LRRTM4: variants seen among roughly 807,000 people sequenced by gnomAD.
LRRTM4 encodes leucine rich repeat transmembrane neuronal 4, also known as leucine-rich repeat transmembrane neuronal protein 4.
Under a neutral mutation model 47.6 loss-of-function variants are expected in LRRTM4, and 25 were observed. That is an observed-to-expected ratio of 0.53 (90% confidence interval 0.38 to 0.73). The LOEUF is 0.73. LRRTM4 is among the 30% of genes least tolerant of loss of function. The pLI, the probability that LRRTM4 is intolerant of heterozygous loss-of-function variation, is 0.00. For synonymous variants in LRRTM4, 311 were observed against 269.5 expected (o/e 1.15, Z -1.51); for missense variants, 638 against 713.4 (o/e 0.89, Z 1.20).
At chr2:77,068,611 CTA>C (rs1680040761) in intron 3 of LRRTM4, among the ~76,000 whole-genome samples, 1 of 152,174 alleles carries the variant, frequency 6.6e-6, no homozygotes, top group African/African-American at 2.4e-5. Context: ...CAACGTTCTT[CTA>C]TGTTATAGCA....
intron 3 of LRRTM4, among the ~76,000 whole-genome samples, chr2:77,245,721 G>A (rs919883234): frequency 6.6e-6 from 1 of 151,878 alleles, no homozygotes; most frequent in African/African-American, 2.4e-5. Flanking sequence ...GAAAATAGAG[G>A]TTATTTTTAA....
At chr2:77,173,860 T>C (rs570791954) in intron 3 of LRRTM4, among the ~76,000 whole-genome samples, 5 of 152,292 alleles carry the variant, frequency 3.3e-5, no homozygotes, top group Admixed American at 6.5e-5. Context: ...AACCAGTGTT[T>C]GGAGCAGTAC....
chr2:76,750,232 G>C (rs1467553222), intron 3 of LRRTM4, among the ~76,000 whole-genome samples: 1 of 152,128 alleles, frequency 6.6e-6, no homozygotes, highest in Non-Finnish European at 1.5e-5. Flanking sequence ...AACATTTGCA[G>C]TATATCCAAC....
chr2:77,173,976 A>G (rs535595093), intron 3 of LRRTM4, among the ~76,000 whole-genome samples: 2 of 152,304 alleles, frequency 1.3e-5, no homozygotes, highest in South Asian at 2.1e-4. Flanking sequence ...CTTAGAAGAC[A>G]TATCTTAATA....
chr2:76,780,486 C>T (rs566010021), intron 3 of LRRTM4, among the ~76,000 whole-genome samples: 2 of 152,188 alleles, frequency 1.3e-5, no homozygotes, highest in East Asian at 3.9e-4. Flanking sequence ...CTCTAAACCC[C>T]TTCTCGCTTC....
chr2:77,200,069 A>G (rs1215444658), intron 3 of LRRTM4, among the ~76,000 whole-genome samples: 2 of 152,086 alleles, frequency 1.3e-5, no homozygotes, highest in South Asian at 2.1e-4. Context: ...AACATTTACT[A>G]TAAAAATAGA....
chr2:77,073,909 G>A (rs1320731386), intron 3 of LRRTM4, among the ~76,000 whole-genome samples: 2 of 151,794 alleles, frequency 1.3e-5, no homozygotes, highest in African/African-American at 4.8e-5. Flanking sequence ...CTTTTCTTCA[G>A]CTGAGGGCAT....
At chr2:76,873,524 A>ATATGTATATATATATATATATATATG in intron 3 of LRRTM4, among the ~76,000 whole-genome samples, 1 of 145,494 alleles carries the variant, frequency 6.9e-6, no homozygotes, top group African/African-American at 2.5e-5. Context: ...ATATATATAT[A>ATATGTATATATATATATATATATATG]TATATATATA....
intron 3 of LRRTM4, among the ~76,000 whole-genome samples, chr2:77,513,617 G>C (rs1491003388): frequency 6.6e-6 from 1 of 152,010 alleles, no homozygotes; most frequent in East Asian, 1.9e-4. Flanking sequence ...TGCCCAGGCA[G>C]GACTGCAGTA....
At chr2:77,466,828 A>G (rs1677000006) in intron 3 of LRRTM4, among the ~76,000 whole-genome samples, 1 of 151,448 alleles carries the variant, frequency 6.6e-6, no homozygotes, top group Admixed American at 6.6e-5. Context: ...CCTCCCAAGT[A>G]GGTGGGACTA....
chr2:76,982,947 T>C (rs1676662604), intron 3 of LRRTM4, among the ~76,000 whole-genome samples: 1 of 151,520 alleles, frequency 6.6e-6, no homozygotes, highest in African/African-American at 2.4e-5. Context: ...AAACTTCTTT[T>C]TTGTTTTAAG....
intron 3 of LRRTM4, among the ~76,000 whole-genome samples, chr2:77,048,229 G>A (rs1009745796): frequency 6.6e-6 from 1 of 152,020 alleles, no homozygotes; most frequent in East Asian, 1.9e-4. Context: ...ATGAATGTAT[G>A]TGTGTGCATG....
chr2:77,137,788 A>G (rs1671992623), intron 3 of LRRTM4, among the ~76,000 whole-genome samples: 1 of 152,142 alleles, frequency 6.6e-6, no homozygotes, highest in South Asian at 2.1e-4. Context: ...AGATCTACCA[A>G]GCAAATTTAA....
chr2:77,433,659 C>T (rs1311259326), intron 3 of LRRTM4, among the ~76,000 whole-genome samples: 1 of 152,030 alleles, frequency 6.6e-6, no homozygotes, highest in African/African-American at 2.4e-5. Context: ...GCCATTTTAC[C>T]ACCAATTAAG....
At chr2:76,772,640 T>G (rs1394908090) in intron 3 of LRRTM4, among the ~76,000 whole-genome samples, 2 of 152,206 alleles carry the variant, frequency 1.3e-5, no homozygotes, top group Admixed American at 6.5e-5. Flanking sequence ...ACTTACAATT[T>G]GAATTTCTTT....
chr2:77,436,100 T>C (rs1167649297), intron 3 of LRRTM4, among the ~76,000 whole-genome samples: 2 of 152,208 alleles, frequency 1.3e-5, no homozygotes, highest in East Asian at 3.9e-4. Context: ...CAGAGTAGAG[T>C]GTTGTAAGAA....
At chr2:77,006,501 A>G (rs966319436) in intron 3 of LRRTM4, among the ~76,000 whole-genome samples, 17 of 152,178 alleles carry the variant, frequency 1.1e-4, no homozygotes, top group African/African-American at 3.9e-4. Context: ...AAATCATAAC[A>G]TTAGGGCCAA....
intron 3 of LRRTM4, among the ~76,000 whole-genome samples, chr2:76,858,212 A>G (rs1158044522): frequency 6.6e-6 from 1 of 152,168 alleles, no homozygotes; most frequent in Non-Finnish European, 1.5e-5. Flanking sequence ...CTGTAAACAG[A>G]GTAAAGCAGG....
At chr2:76,932,268 G>C (rs572201342) in intron 3 of LRRTM4, among the ~76,000 whole-genome samples, 2 of 152,250 alleles carry the variant, frequency 1.3e-5, no homozygotes, top group South Asian at 4.1e-4. Context: ...ATTTGCTTAT[G>C]TGTACCAAAA....
Sources: allele counts gnomAD v4.1 joint callset (sites outside exome capture counted in the v4.1 genomes callset), GRCh38; gene constraint gnomAD v4.1.1; transcripts MANE v1.5; gene names NCBI Gene and HGNC (gene_info 2026-07-23, HGNC 2026-07-21).